The following STAU2 variants were observed in gnomAD, a reference collection of about 807,000 sequenced individuals.
STAU2 encodes double-stranded RNA-binding protein Staufen homolog 2.
In STAU2, 20 loss-of-function variants were observed where a neutral mutation model predicts 65.9. The ratio of observed to expected loss-of-function variants is 0.30; its 90% CI spans 0.21 to 0.44. The LOEUF is 0.44. STAU2 is among the 20% of genes least tolerant of loss of function. The pLI, the probability that STAU2 is intolerant of heterozygous loss-of-function variation, is 1.00. For synonymous variants in STAU2, 232 were observed against 233.9 expected, an observed-to-expected ratio of 0.99 and a Z score of 0.07; for missense variants, 558 against 683.9, an observed-to-expected ratio of 0.82 and a Z score of 2.05.
chr8:73,586,841 C>A (rs1810413363), intron 11 of STAU2, among the ~76,000 whole-genome samples: 3 of 151,676 alleles, frequency 2.0e-5, no homozygotes, highest in African/African-American at 7.3e-5. Context: ...GAAAACAGAA[C>A]AACAACAAAA....
intron 6 of STAU2, among the ~76,000 whole-genome samples, chr8:73,631,999 G>T (rs897555724): frequency 1.4e-5 from 2 of 146,184 alleles, no homozygotes; most frequent in Admixed American, 1.4e-4. Context: ...AAGAAGGGGG[G>T]AGGAGAGGGA....
At chr8:73,502,717 T>C (rs1004105533) in intron 13 of STAU2, among the ~76,000 whole-genome samples, 7 of 152,092 alleles carry the variant, frequency 4.6e-5, no homozygotes, top group Non-Finnish European at 8.8e-5. Context: ...TCCTTAAGCA[T>C]TTTGCTTATA....
chr8:73,716,670 A>G (rs988529388), intron 3 of STAU2, among the ~76,000 whole-genome samples: 2 of 150,982 alleles, frequency 1.3e-5, no homozygotes, highest in African/African-American at 4.9e-5. Context: ...AACTTTTTTC[A>G]TTTGCTTATA....
chr8:73,530,851 C>CAT, intron 13 of STAU2, among the ~76,000 whole-genome samples: 1 of 143,550 alleles, frequency 7.0e-6, no homozygotes, highest in Non-Finnish European at 1.6e-5. Context: ...CAAAGTAACA[C>CAT]TCACCAACAG....
At chr8:73,697,593 G>T (rs1378035839) in intron 4 of STAU2, among the ~76,000 whole-genome samples, 1 of 152,082 alleles carries the variant, frequency 6.6e-6, no homozygotes, top group Non-Finnish European at 1.5e-5. Context: ...ACTAAATAAT[G>T]AACCAATCAA....
intron 13 of STAU2, among the ~76,000 whole-genome samples, chr8:73,448,393 C>T (rs553362628): frequency 1.3e-5 from 2 of 152,274 alleles, no homozygotes; most frequent in South Asian, 4.1e-4. Flanking sequence ...AAGCAATTAT[C>T]TGCCTCAGCC....
chr8:73,627,291 G>A (rs1389507977), intron 6 of STAU2, among the ~76,000 whole-genome samples: 1 of 138,696 alleles, frequency 7.2e-6, no homozygotes, highest in Non-Finnish European at 1.5e-5. Flanking sequence ...GAAAACACTG[G>A]AGTCTTCCTA....
In STAU2 at chr8:73,673,275, G is replaced by C. The variant is rs528804820; in HGVS notation, c.275-33C>G. 4.0e-6 allele frequency: 6 copies of C among 1,499,480 alleles called. No homozygotes were observed. The South Asian group carries it at 5.6e-5, about 14-fold the overall frequency. The allele number at this position is 1,499,480 out of a possible 1,614,324, so 92.9% of individuals were successfully genotyped here. On this transcript the variant is annotated intron_variant, in intron 5 of 14. Transcript: ENST00000524300. ...AAAAAAAAACATTAAAGGCACACAA[G>C]TGAAATATCTTCACAATTAAACATG...
intron 5 of STAU2, among the ~76,000 whole-genome samples, chr8:73,678,064 C>T (rs1818137533): frequency 2.0e-5 from 3 of 152,186 alleles, no homozygotes; most frequent in Admixed American, 2.0e-4. Flanking sequence ...CCACTCTCAA[C>T]ACTCCTGCAG....
At chr8:73,562,352 G>A (rs763838677) in intron 12 of STAU2, among the ~76,000 whole-genome samples, 9 of 152,112 alleles carry the variant, frequency 5.9e-5, no homozygotes, top group Non-Finnish European at 1.5e-5. Flanking sequence ...TGGGCATGGT[G>A]GCATGCACCT....
In STAU2 at chr8:73,603,659, G is replaced by A. The variant is rs897573386; in HGVS notation, c.1029+67C>T. ...GCTCTTAAGTCCTAGTTTGCCTTTC[G>A]CCCAAATGCCTATTCCATCCTGGGG... On this transcript the variant is annotated intron_variant, in intron 10 of 14. Coordinates refer to ENST00000524300, the MANE Select transcript of STAU2 (RefSeq NM_001164380.2). 65 of 1,544,598 alleles carry A rather than the reference G, an allele frequency of 4.2e-5. 2 individuals are homozygous for A. Among genetic ancestry groups the A allele is most frequent in the Middle Eastern group, 4.8e-4 (2 of 4,150 alleles).
chr8:73,580,259 C>T (rs1021900572), intron 12 of STAU2, among the ~76,000 whole-genome samples: 3 of 152,024 alleles, frequency 2.0e-5, no homozygotes, highest in African/African-American at 7.2e-5. Flanking sequence ...TAATATGTTA[C>T]CTTTTCAGAT....
chr8:73,605,185 C>G (rs146906228), intron 9 of STAU2, among the ~76,000 whole-genome samples: 1 of 151,716 alleles, frequency 6.6e-6, no homozygotes, highest in Non-Finnish European at 1.5e-5. Flanking sequence ...TTATGTAAAG[C>G]CTGCTAAAAC....
intron 3 of STAU2, among the ~76,000 whole-genome samples, chr8:73,734,277 G>A (rs1306592531): frequency 7.4e-6 from 1 of 135,878 alleles, no homozygotes; most frequent in Non-Finnish European, 1.5e-5. Context: ...TCTACAGTAA[G>A]CATAAGTTGC....
At chr8:73,649,869 T>TTATATATATATATATATA (rs55814743) in intron 6 of STAU2, among the ~76,000 whole-genome samples, 4 of 71,654 alleles carry the variant, frequency 5.6e-5, no homozygotes, top group African/African-American at 1.1e-4. Context: ...CTATATAATT[T>TTATATATATATATATATA]TATATATATA....
At chr8:73,708,980 T>G in intron 4 of STAU2, 52 bp downstream of exon 4, 1 of 1,415,828 alleles carries the variant, frequency 7.1e-7, no homozygotes, top group East Asian at 2.7e-5. Flanking sequence ...TCTGAGATGA[T>G]AAATCTGTTA....
rs1015345768 is a variant in STAU2, at chr8:73,468,884, G to A, written c.1531-46182C>T. Among the ~76,000 whole-genome samples the A allele has an allele frequency of 1.3e-5, 2 of 152,212 alleles. 1 individual carries two copies. Among genetic ancestry groups the A allele is most frequent in the Non-Finnish European group, 2.9e-5 (2 of 68,054 alleles). On this transcript the variant is annotated intron_variant, in intron 13 of 14. Transcript: ENST00000524300. ...ACTGTAAACTAGTTCAACCATTGTGGAAGACAGTATGGCGATTCCTCAGGG... is the reference window on the plus strand; with the variant it reads ...ACTGTAAACTAGTTCAACCATTGTGAAAGACAGTATGGCGATTCCTCAGGG...
intron 4 of STAU2, among the ~76,000 whole-genome samples, chr8:73,701,838 T>C (rs1820127021): frequency 6.6e-6 from 1 of 152,124 alleles, no homozygotes; most frequent in African/African-American, 2.4e-5. Flanking sequence ...TAAGTGTCCA[T>C]CAATAGATGA....
intron 6 of STAU2, among the ~76,000 whole-genome samples, chr8:73,636,850 A>C (rs1814556049): frequency 6.6e-6 from 1 of 150,768 alleles, no homozygotes; most frequent in African/African-American, 2.4e-5. Flanking sequence ...GTGACAGAGG[A>C]GACTCTGTAT....
Sources: gnomAD v4.1 joint callset for allele counts (sites outside exome capture counted in the v4.1 genomes callset) on GRCh38, gnomAD v4.1.1 for gene constraint, MANE v1.5 for transcripts, NCBI Gene and HGNC (gene_info 2026-07-23, HGNC 2026-07-21) for gene names.